LILRB2: variants seen among roughly 807,000 people sequenced by gnomAD.
The protein encoded by LILRB2 is leukocyte immunoglobulin like receptor B2.
LILRB2 carries 47 observed loss-of-function variants against 72.7 expected under a neutral mutation model. The observed-to-expected ratio is 0.65, with a 90% CI of 0.51 to 0.82. The LOEUF (loss-of-function observed/expected upper bound fraction) is 0.82. Ranked by LOEUF, LILRB2 falls within the 40% of genes least tolerant of loss-of-function variation. The pLI, the probability that LILRB2 is intolerant of heterozygous loss-of-function variation, is 0.00. For missense variants in LILRB2, 767 were observed against 764.8 expected (o/e 1.00, Z -0.03); for synonymous variants, 279 against 313.7 (o/e 0.89, Z 1.17).
Position 54,277,592 on chromosome 19 carries a change from C to T in LILRB2, c.1315G>A (p.Glu439Lys). Residue 439 changes from glutamate to lysine, a missense_variant, in exon 9 of 14, where the codon GAG (glutamate) becomes AAG (lysine). Coordinates refer to ENST00000314446, the MANE Select transcript of LILRB2 (RefSeq NM_001080978.4). ...PTGPISTPGPEDQPLTPTGSD... is the reference protein window; with the variant it reads ...PTGPISTPGPKDQPLTPTGSD... ...CCAGTGGGGGTGAGGGGCTGGTCCTCAGGGCCTGCTGGGTCAGGACGGGGA... is the reference window on the plus strand; with the variant it reads ...CCAGTGGGGGTGAGGGGCTGGTCCTTAGGGCCTGCTGGGTCAGGACGGGGA... 2 of 1,576,098 alleles carry T rather than the reference C, an allele frequency of 1.3e-6. No individual in the cohort carries two copies. The highest frequency in any genetic ancestry group is 8.6e-7 in the Non-Finnish European group (1 of 1,160,018).
intron 13 of LILRB2, chr19:54,275,125 T>C (rs2080162833): frequency 6.4e-7 from 1 of 1,554,422 alleles, no homozygotes; most frequent in Non-Finnish European, 8.8e-7. Context: ...TGGAGTCAAT[T>C]TTCCTCACTG....
intron 8 of LILRB2, 104 bp from the exon 9 acceptor site, chr19:54,277,701 G>A (rs112419876): frequency 2.8e-6 from 4 of 1,404,038 alleles, no homozygotes; most frequent in East Asian, 5.0e-5. Flanking sequence ...TCTCTGCCTT[G>A]ACCCCCCACC....
chr19:54,279,721 G>A (rs910399166), intron 4 of LILRB2, 70 bp downstream of exon 4: 14 of 1,606,946 alleles, frequency 8.7e-6, no homozygotes, highest in Non-Finnish European at 1.2e-5. Context: ...GGCTGTGAGA[G>A]GGAGACACCC....
At chr19:54,278,699 C>G in intron 6 of LILRB2, 113 bp downstream of exon 6, 1 of 1,389,126 alleles carries the variant, frequency 7.2e-7, no homozygotes, top group South Asian at 1.3e-5. Flanking sequence ...CTCTCTCTGT[C>G]TCTCCCTCCC....
Position 54,274,358 on chromosome 19 carries a change from T to G in LILRB2, c.*325A>C. The G allele has an allele frequency of 7.4e-6, 2 of 268,788 alleles. No individual in the cohort carries two copies. The highest frequency in any genetic ancestry group is 4.9e-5 in the Admixed American group (1 of 20,472). 16.7% of individuals were successfully genotyped at this position (268,788 alleles called of 1,614,324 possible). ...TTTTCGTTTCTACTTTTTTCATTTG[T>G]GGTTTGTACTTTTTCAATTTCATTG... On this transcript the variant is annotated 3_prime_UTR_variant, in exon 14 of 14. Coordinates refer to ENST00000314446, the MANE Select transcript of LILRB2 (RefSeq NM_001080978.4).
In LILRB2 at chr19:54,276,874, C is replaced by T; in HGVS notation, c.1413G>A (p.Leu471=). 1 of 1,613,856 alleles carries T rather than the reference C, an allele frequency of 6.2e-7. No individual in the cohort carries two copies. Among genetic ancestry groups the T allele is most frequent in the Non-Finnish European group, 8.5e-7 (1 of 1,179,870 alleles). The part of the protein sequence containing the change: ...VIGILVAVVL[L]LLLLLLLFLI... ...GGAAGAGGAGGAGGAGGAGGAGGAG[C>T]AGTAGGACGACGGCCACCAAGATGC... Residue 471 remains leucine, a synonymous_variant, in exon 10 of 14, where the codon CTG becomes CTA. Coordinates refer to ENST00000314446, the MANE Select transcript of LILRB2 (RefSeq NM_001080978.4).
intron 1 of LILRB2, 73 bp from the exon 2 acceptor site, chr19:54,280,617 G>T: frequency 6.7e-7 from 1 of 1,501,958 alleles, no homozygotes; most frequent in Non-Finnish European, 9.2e-7. Flanking sequence ...TCAGAGGCTG[G>T]GTCCTTCTCA....
rs139074135 is a variant in LILRB2 at position 54,278,423 on chromosome 19, T to G, written c.1095A>C (p.Pro365=). The stretch of plus-strand genomic sequence containing the variant: ...ATTCGTGTATTGATCTTAGACGGAG[T>G]GGGGCATCAGCTGCTCCCGCCTTGG... ...LLTKAGAADA[P]LRLRSIHEYP... is the part of the protein sequence containing the mutation. Residue 365 remains proline (P), a synonymous_variant, in exon 7 of 14, where the codon CCA becomes CCC. Coordinates refer to ENST00000314446, the MANE Select transcript of LILRB2 (RefSeq NM_001080978.4). The G allele has an allele frequency of 4.4e-4, 696 of 1,567,622 alleles. 8 individuals carry two copies. The South Asian group carries it at 4.7e-3, about 11-fold the overall frequency.
chr19:54,274,812 G>C lies in LILRB2; in HGVS notation c.1665C>G (p.Ala555=), dbSNP rs144872171. The C allele has an allele frequency of 4.8e-4, 768 of 1,613,112 alleles. 5 individuals carry two copies. The East Asian group carries it at 0.016, about 34-fold the overall frequency. Residue 555 remains alanine, a synonymous_variant, in exon 14 of 14, where the codon GCC becomes GCG. Transcript: ENST00000314446. ...EMDTRAAASE[A]PQDVTYAQLH... ...GCTGGGCGTAGGTCACATCCTGGGG[G>C]GCTTCAGATGCAGCAGCCTGCAGCG... is the stretch of plus-strand genomic sequence containing the variant.
intron 10 of LILRB2, 145 bp from the exon 11 acceptor site, chr19:54,276,601 A>G: frequency 1.4e-6 from 2 of 1,438,260 alleles, no homozygotes; most frequent in Non-Finnish European, 1.9e-6. Flanking sequence ...AGTCCGAAGG[A>G]CACTTTACAT....
rs1380346736 is a variant in LILRB2 at position 54,274,025 on chromosome 19, C to G, written c.*658G>C. 1 of 152,608 alleles carries G rather than the reference C, an allele frequency of 6.6e-6. No homozygotes were observed. Among genetic ancestry groups the G allele is most frequent in the African/African-American group, 2.4e-5 (1 of 41,402 alleles). The allele number at this position is 152,608 out of a possible 1,614,324, so 9.5% of individuals were successfully genotyped here. On this transcript the variant is annotated 3_prime_UTR_variant, in exon 14 of 14. Transcript: ENST00000314446. The stretch of plus-strand genomic sequence containing the variant: ...CTAGTATATTGGTATAGGTTTGCAG[C>G]CTGTTCTGGGGTTAGTTTGTGAAAA...
intron 3 of LILRB2, 81 bp from the exon 4 acceptor site, chr19:54,280,156 C>T (rs774208062): frequency 6.8e-6 from 11 of 1,608,036 alleles, no homozygotes; most frequent in Non-Finnish European, 2.6e-6. Flanking sequence ...CCTCCAGATG[C>T]CCCCATCAGT....
At chr19:54,275,024 G>C (rs1311065765) in intron 13 of LILRB2, 195 bp from the exon 14 acceptor site, 17,229 of 1,597,760 alleles carry the variant, frequency 0.011, 162 homozygotes, top group Non-Finnish European at 0.013. Context: ...TGTTTCACCG[G>C]GGCATATGTC....
chr19:54,276,655 T>C (rs1443438594), intron 10 of LILRB2, 152 bp downstream of exon 10: 1 of 1,461,306 alleles, frequency 6.8e-7, no homozygotes, highest in Admixed American at 2.2e-5. Flanking sequence ...TATTTGTAGA[T>C]GGGACTGACG....
Position 54,276,921 on chromosome 19 carries a change from T to C in LILRB2, c.1366A>G (p.Arg456Gly), listed in dbSNP as rs1307840842. The change falls in exon 10 of 14, where the codon AGG becomes GGG. Residue 456 changes from arginine (R) to glycine (G), a missense_variant. By Grantham distance (125) the Arg-to-Gly change is moderately radical. This residue lies in a region of LILRB2 where 6 missense variants were observed against 19.9 expected (regional missense o/e 0.30). Transcript: ENST00000314446. ...ATGCCGATCACAACCCCCAGGTGCC[T>C]TCCCAGACCTTGAGCACGATGATGT... is the stretch of plus-strand genomic sequence containing the variant. The part of the protein sequence containing the change: ...TGSDPQSGLG[R>G]HLGVVIGILV... The C allele has an allele frequency of 6.2e-7, 1 of 1,613,548 alleles. No individual in the cohort carries two copies. The highest frequency in any genetic ancestry group is 8.5e-7 in the Non-Finnish European group (1 of 1,179,826).
chr19:54,279,932 G>A lies in LILRB2; in HGVS notation c.214C>T (p.Arg72Trp), dbSNP rs750722735. ...TTCTTCACAAGCTCTGGTCGTATCC[G>A]TGTAATCCAAGATGCTGATTTTTTC... is the stretch of plus-strand genomic sequence containing the variant. ...REKKSASWIT[R>W]IRPELVKNGQ... is the part of the protein sequence containing the mutation. The change falls in exon 4 of 14, where the codon CGG becomes TGG. Residue 72 changes from arginine to tryptophan, a missense_variant. Coordinates refer to ENST00000314446, the MANE Select transcript of LILRB2 (RefSeq NM_001080978.4). The A allele has an allele frequency of 1.4e-5, 23 of 1,614,004 alleles. No homozygotes were observed. Among genetic ancestry groups the A allele is most frequent in the South Asian group, 5.5e-5 (5 of 91,090 alleles).
chr19:54,276,674 T>C, intron 10 of LILRB2, 133 bp downstream of exon 10: 5 of 1,503,942 alleles, frequency 3.3e-6, no homozygotes, highest in Non-Finnish European at 4.5e-6. Flanking sequence ...CGTTAAGTGC[T>C]TTCTCCATTC....
chr19:54,280,576 G>A (rs1167887198), intron 1 of LILRB2, 32 bp from the exon 2 acceptor site: 1 of 1,578,640 alleles, frequency 6.3e-7, no homozygotes, highest in South Asian at 1.1e-5. Flanking sequence ...GAGAGAAATA[G>A]CCTCCCCTCC....
intron 8 of LILRB2, 34 bp downstream of exon 8, chr19:54,277,855 C>G: frequency 6.6e-7 from 1 of 1,519,790 alleles, no homozygotes; most frequent in Non-Finnish European, 8.9e-7. Context: ...GGGGTCGCTG[C>G]GCTCCCTTCG....
Sources: allele counts gnomAD v4.1 joint callset, GRCh38; gene constraint gnomAD v4.1.1; regional missense constraint gnomAD v4.1.1; transcripts MANE v1.5; gene names NCBI Gene and HGNC (gene_info 2026-07-23, HGNC 2026-07-21).